The following EDNRB variants were observed in gnomAD, a reference collection of about 807,000 sequenced individuals.
EDNRB encodes Hirschsprung disease 2.
A neutral mutation model predicts 46.4 loss-of-function variants in EDNRB; 18 were observed. The ratio of observed to expected loss-of-function variants is 0.39; its 90% CI spans 0.27 to 0.57. The LOEUF (loss-of-function observed/expected upper bound fraction) is 0.57. EDNRB is among the 20% of genes least tolerant of loss of function. The pLI is 0.61. For missense variants in EDNRB, 434 were observed against 537.5 expected, an observed-to-expected ratio of 0.81 and a Z score of 1.90; for synonymous variants, 213 against 204.9, an observed-to-expected ratio of 1.04 and a Z score of -0.34.
At chr13:77,941,822 T>G (rs1178402472) in intron 1 of EDNRB, among the ~76,000 whole-genome samples, 1 of 152,198 alleles carries the variant, frequency 6.6e-6, no homozygotes, top group Admixed American at 6.5e-5. Context: ...GCAAAAGCCT[T>G]GTCGAGAATA....
intron 1 of EDNRB, among the ~76,000 whole-genome samples, chr13:77,905,699 T>C (rs1879239930): frequency 6.6e-6 from 1 of 151,902 alleles, no homozygotes; most frequent in Non-Finnish European, 1.5e-5. Flanking sequence ...GAGACAGCAT[T>C]TGAGGAGAGA....
intron 1 of EDNRB, among the ~76,000 whole-genome samples, chr13:77,938,985 C>T (rs1880653233): frequency 6.6e-6 from 1 of 152,186 alleles, no homozygotes; most frequent in Admixed American, 6.5e-5. Flanking sequence ...AAATTTCATG[C>T]ACGTCAGTGT....
At chr13:77,913,510 T>A (rs568513048) in intron 1 of EDNRB, among the ~76,000 whole-genome samples, 1 of 152,328 alleles carries the variant, frequency 6.6e-6, no homozygotes, top group Admixed American at 6.5e-5. Context: ...CAAGTAGATT[T>A]GTTTTTAAAT....
At chr13:77,932,896 A>G (rs2137655810) in intron 1 of EDNRB, among the ~76,000 whole-genome samples, 1 of 152,362 alleles carries the variant, frequency 6.6e-6, no homozygotes, top group African/African-American at 2.4e-5. Flanking sequence ...ATCAGGAAGC[A>G]TAATGACTTT....
intron 1 of EDNRB, among the ~76,000 whole-genome samples, chr13:77,953,923 T>G (rs1402779508): frequency 6.6e-6 from 1 of 152,216 alleles, no homozygotes. Context: ...TGGCCAATCT[T>G]TCTAACCTGT....
At chr13:77,958,935 G>T (rs921965067) in intron 1 of EDNRB, among the ~76,000 whole-genome samples, 6 of 152,196 alleles carry the variant, frequency 3.9e-5, no homozygotes, top group South Asian at 2.1e-4. Flanking sequence ...CAAGATGGTT[G>T]TCTGTTGCCT....
intron 1 of EDNRB, among the ~76,000 whole-genome samples, chr13:77,913,946 T>G (rs557581785): frequency 6.6e-5 from 10 of 152,304 alleles, no homozygotes; most frequent in African/African-American, 2.4e-4. Context: ...TAACGTCAGG[T>G]AGTCAAGCAC....
intron 1 of EDNRB, among the ~76,000 whole-genome samples, chr13:77,946,085 A>T (rs1880904053): frequency 6.6e-6 from 1 of 152,184 alleles, no homozygotes; most frequent in Non-Finnish European, 1.5e-5. Context: ...ACAAAATAAG[A>T]TTCCCTTAAA....
At chr13:77,931,767 A>C (rs1023350549) in intron 1 of EDNRB, among the ~76,000 whole-genome samples, 3 of 142,160 alleles carry the variant, frequency 2.1e-5, no homozygotes, top group African/African-American at 7.6e-5. Context: ...AAAACAAAAA[A>C]AAAAAAACAA....
Position 77,918,528 on chromosome 13 carries a change from C to T in EDNRB, c.46G>A (p.Val16Ile). 6.3e-7 allele frequency: 1 copy of T among 1,591,974 alleles called. No homozygotes were observed. Among genetic ancestry groups the T allele is most frequent in the Non-Finnish European group, 8.5e-7 (1 of 1,171,942 alleles). ...SLCGRALVAL[V>I]LACGLSRIWG... is the part of the protein sequence containing the mutation. ...ATCCGCGACAGGCCGCAGGCAAGAA[C>T]CAGCGCAACCAGGGCGCGTCCGCAC... Residue 16 changes from valine (V) to isoleucine (I), a missense_variant, in exon 1 of 7, where the codon GTT becomes ATT. Coordinates refer to ENST00000646607, the MANE Select transcript of EDNRB (RefSeq NM_001122659.3). This position sits in a 1 kb window ranked among gnomAD's most constrained non-coding sequence, Gnocchi z 4.5.
Position 77,918,627 on chromosome 13 carries a change from A to G in EDNRB, c.-54T>C, listed in dbSNP as rs768214463. 3.3e-6 allele frequency: 5 copies of G among 1,533,210 alleles called. No homozygotes were observed. The highest frequency in any genetic ancestry group is 4.3e-6 in the Non-Finnish European group (5 of 1,153,778). 95.0% of individuals were successfully genotyped at this position (1,533,210 alleles called of 1,614,324 possible). ...TGGCCGCTCCGCAGTTTCAGAGCCT[A>G]GAGACAAGCAGAGGAAGGAAGACAG... On this transcript the variant is annotated 5_prime_UTR_variant, in exon 1 of 7. Coordinates refer to ENST00000646607, the MANE Select transcript of EDNRB (RefSeq NM_001122659.3). The surrounding 1 kb of genome is among the most constrained non-coding windows in gnomAD (Gnocchi z 4.5).
chr13:77,924,575 T>C (rs1566320941), upstream of EDNRB, among the ~76,000 whole-genome samples: 1 of 152,218 alleles, frequency 6.6e-6, no homozygotes, highest in African/African-American at 2.4e-5. Context: ...ATCTTAACCA[T>C]TTTTTAAGTG....
At chr13:77,911,813 T>C (rs1407527620) in intron 1 of EDNRB, among the ~76,000 whole-genome samples, 1 of 152,048 alleles carries the variant, frequency 6.6e-6, no homozygotes, top group Admixed American at 6.6e-5. Flanking sequence ...TTAGAGAAGT[T>C]GTTGGCTAAG....
At chr13:77,917,606 T>C (rs1379121388) in intron 1 of EDNRB, among the ~76,000 whole-genome samples, 1 of 152,222 alleles carries the variant, frequency 6.6e-6, no homozygotes, top group Non-Finnish European at 1.5e-5. Context: ...TGACTGTCCA[T>C]GGACCACACA....
chr13:77,974,822 C>T (rs1217234612), intron 1 of EDNRB, among the ~76,000 whole-genome samples: 1 of 152,154 alleles, frequency 6.6e-6, no homozygotes, highest in Admixed American at 6.6e-5. Context: ...ACCTCTAATG[C>T]TGGCCAGTCT....
In EDNRB at chr13:77,898,442, C is replaced by G. The variant is rs1878754471; in HGVS notation, c.1195-108G>C. ...TTTGTATGATTAGGAGTTCTTGGGC[C>G]CTTTCTTTCAGTGCTCTTTTATTTT... On this transcript the variant is annotated intron_variant, in intron 6 of 6. Coordinates refer to ENST00000646607, the MANE Select transcript of EDNRB (RefSeq NM_001122659.3). The G allele has an allele frequency of 2.7e-6, 4 of 1,504,432 alleles. No individual in the cohort carries two copies. The African/African-American group carries it at 5.6e-5, about 21-fold the overall frequency. The allele number at this position is 1,504,432 out of a possible 1,614,324, so 93.2% of individuals were successfully genotyped here. A position where few individuals can be genotyped will look rare whatever the true frequency, so the allele number is the denominator to read the frequency against.
intron 1 of EDNRB, among the ~76,000 whole-genome samples, chr13:77,972,670 G>A (rs1042113998): frequency 6.6e-6 from 1 of 152,206 alleles, no homozygotes; most frequent in Non-Finnish European, 1.5e-5. Flanking sequence ...GACTTGGCAA[G>A]TCTCCACAGG....
At chr13:77,960,950 C>T (rs1881393190) in intron 1 of EDNRB, among the ~76,000 whole-genome samples, 1 of 151,732 alleles carries the variant, frequency 6.6e-6, no homozygotes, top group South Asian at 2.1e-4. Flanking sequence ...ACAAAGAAGG[C>T]CATTACATAA....
chr13:77,913,599 A>G (rs956992726), intron 1 of EDNRB, among the ~76,000 whole-genome samples: 1 of 152,192 alleles, frequency 6.6e-6, no homozygotes, highest in Non-Finnish European at 1.5e-5. Context: ...ATATAACATA[A>G]AGAGAGTTAA....
Sources: allele counts gnomAD v4.1 joint callset (sites outside exome capture counted in the v4.1 genomes callset), GRCh38; gene constraint gnomAD v4.1.1; non-coding constraint Gnocchi (gnomAD v3.1); transcripts MANE v1.5; gene names NCBI Gene and HGNC (gene_info 2026-07-23, HGNC 2026-07-21).